Variants in WSCD1 observed in about 807,000 individuals in gnomAD.
WSCD1 encodes the protein WSC domain sialate O sulfotransferase 1.
A neutral mutation model predicts 60.4 loss-of-function variants in WSCD1; 41 were observed. The ratio of observed to expected loss-of-function variants is 0.68; its 90% CI spans 0.53 to 0.88. WSCD1 has a LOEUF of 0.88. WSCD1 is among the 40% of genes least tolerant of loss of function. WSCD1 has a pLI of 0.00. For synonymous variants in WSCD1, 361 were observed against 332.5 expected (o/e 1.09, Z -0.93); for missense variants, 784 against 796.2 (o/e 0.98, Z 0.18).
intron 7 of WSCD1, among the ~76,000 whole-genome samples, chr17:6,111,700 CAAAAAAAAAAAAAAA>C (rs111930086): frequency 0.071 from 2,912 of 41,276 alleles, 69 homozygotes; most frequent in Non-Finnish European, 0.081. Context: ...CACTCCGTCT[CAAAAAAAAAAAAAAA>C]AAAAAAAAAG....
At chr17:6,113,799 C>T (rs568122007) in intron 7 of WSCD1, among the ~76,000 whole-genome samples, 1 of 152,244 alleles carries the variant, frequency 6.6e-6, no homozygotes, top group African/African-American at 2.4e-5. Flanking sequence ...GATATCATCT[C>T]GCCCCAGTTA....
At chr17:6,103,662 C>T (rs940168646) in intron 5 of WSCD1, among the ~76,000 whole-genome samples, 7 of 152,184 alleles carry the variant, frequency 4.6e-5, no homozygotes, top group Non-Finnish European at 8.8e-5. Context: ...GTGGATATTG[C>T]AGCCTCTGTT....
chr17:6,095,952 G>A (rs950927916), intron 5 of WSCD1, among the ~76,000 whole-genome samples: 7 of 152,152 alleles, frequency 4.6e-5, no homozygotes, highest in African/African-American at 1.4e-4. Context: ...TTTCACATGC[G>A]CTGGGATTGC....
At position 6,109,704 on chromosome 17, in the gene WSCD1, G is replaced by A; in HGVS notation, c.947G>A (p.Gly316Asp). ...LRDAMDSSVC[G>D]QDPEAQRLAE... ...GATGCCATGGACAGCTCAGTATGTG[G>A]CCAGGACCCTGAGGCACAGAGGCTG... The change falls in exon 6 of 9, where the codon GGC (glycine) becomes GAC (aspartate). Residue 316 changes from glycine to aspartate, a missense_variant. Gly to Asp is a moderately conservative substitution (Grantham distance 94). Coordinates refer to ENST00000317744, the MANE Select transcript of WSCD1 (RefSeq NM_015253.2). 6.2e-7 allele frequency: 1 copy of A among 1,614,134 alleles called. No homozygotes were observed. Among genetic ancestry groups the A allele is most frequent in the Non-Finnish European group, 8.5e-7 (1 of 1,180,006 alleles).
rs758576288 is a variant in WSCD1 at position 6,118,146 on chromosome 17, G to A, written c.1333G>A (p.Gly445Arg). The part of the protein sequence containing the change: ...LVAEFNRKCA[G>R]HLGYAADRNW... ...GGCAGAATTCAACAGAAAATGTGCC[G>A]GGCACCTGGGATATGCAGCTGACCG... Residue 445 changes from glycine (G) to arginine (R), a missense_variant, in exon 8 of 9, where the codon GGG (glycine) becomes AGG (arginine). Gly to Arg is a moderately radical substitution (Grantham distance 125, BLOSUM62 -2). Coordinates refer to ENST00000317744, the MANE Select transcript of WSCD1 (RefSeq NM_015253.2). This position sits in a 1 kb window ranked among gnomAD's most constrained non-coding sequence, Gnocchi z 5.8. The A allele has an allele frequency of 3.4e-5, 55 of 1,614,144 alleles. No individual in the cohort carries two copies. The highest frequency in any genetic ancestry group is 4.4e-5 in the Non-Finnish European group (52 of 1,180,024).
In WSCD1 at chr17:6,118,072, T is replaced by A. The variant is rs777792480; in HGVS notation, c.1259T>A (p.Met420Lys). 2 of 1,614,198 alleles carry A rather than the reference T, an allele frequency of 1.2e-6. No homozygotes were observed. Among genetic ancestry groups the A allele is most frequent in the East Asian group, 2.2e-5 (1 of 44,880 alleles). ...GAGAGTGGCAGGAGGGAGATTGAGA[T>A]GTTTGATTCAGCCATCCTGCTAATC... The part of the protein sequence containing the change: ...THESGRREIE[M>K]FDSAILLIRN... Residue 420 changes from methionine to lysine, a missense_variant, in exon 8 of 9, where the codon ATG (methionine) becomes AAG (lysine). Met to Lys is a moderately conservative substitution (Grantham distance 95). Transcript: ENST00000317744. The surrounding 1 kb of genome is among the most constrained non-coding windows in gnomAD (Gnocchi z 5.8).
upstream of WSCD1, among the ~76,000 whole-genome samples, chr17:6,069,528 G>A (rs145400834): frequency 7.1e-3 from 1,077 of 151,872 alleles, 5 homozygotes; most frequent in Middle Eastern, 0.014. Flanking sequence ...TTGCTTCTGT[G>A]GGCAACTATG....
chr17:6,099,828 C>G (rs1360377451), intron 5 of WSCD1, among the ~76,000 whole-genome samples: 1 of 152,112 alleles, frequency 6.6e-6, no homozygotes, highest in Non-Finnish European at 1.5e-5. Context: ...TTGTTCAAAT[C>G]CCCCCTCCCT....
In WSCD1 at chr17:6,081,095, C is replaced by T; in HGVS notation, c.427+10C>T. Reference sequence around the variant, plus strand: ...GCCATCCACAGCCGAGGTAGGCGCTCAGCTGCATTTGGGGGAGCTGTTCCC... The same window carrying T: ...GCCATCCACAGCCGAGGTAGGCGCTTAGCTGCATTTGGGGGAGCTGTTCCC... On this transcript the variant is annotated intron_variant, in intron 2 of 8. Transcript: ENST00000317744. The T allele has an allele frequency of 1.3e-6, 2 of 1,530,754 alleles. No individual in the cohort carries two copies. Among genetic ancestry groups the T allele is most frequent in the South Asian group, 1.2e-5 (1 of 83,576 alleles). 94.8% of individuals were successfully genotyped at this position (1,530,754 alleles called of 1,614,324 possible).
rs902037022 is a variant in WSCD1, at chr17:6,089,399, G to A, written c.543-922G>A. Reference sequence around the variant, plus strand: ...CACATCTAAATCCACTGATTTGAAAGTGTTGACTGCTTTCTGTAGCTGAAG... The same window carrying A: ...CACATCTAAATCCACTGATTTGAAAATGTTGACTGCTTTCTGTAGCTGAAG... On this transcript the variant is annotated intron_variant, in intron 3 of 8. Coordinates refer to ENST00000317744, the MANE Select transcript of WSCD1 (RefSeq NM_015253.2). 6.6e-5 allele frequency among the ~76,000 whole-genome samples: 10 copies of A among 152,204 alleles called. 1 individual carries two copies. The highest frequency in any genetic ancestry group is 1.3e-4 in the Admixed American group (2 of 15,282).
chr17:6,071,196 C>G (rs1227528201), intron 1 of WSCD1: 1 of 152,204 alleles, frequency 6.6e-6, no homozygotes, highest in Non-Finnish European at 1.5e-5. Context: ...CAGAAAATTA[C>G]CTAGTGTAGA....
rs942442999 is a variant in WSCD1 at position 6,075,086 on chromosome 17, G to A, written c.-289+4434G>A. Among the ~76,000 whole-genome samples, 3 of 152,112 alleles carry A rather than the reference G, an allele frequency of 2.0e-5. No individual in the cohort carries two copies. Among genetic ancestry groups the A allele is most frequent in the African/African-American group, 7.2e-5 (3 of 41,412 alleles). On this transcript the variant is annotated intron_variant, in intron 1 of 8. Transcript: ENST00000317744. The surrounding 1 kb of genome is among the most constrained non-coding windows in gnomAD (Gnocchi z 4.1). ...TGAGGCTGAGGCTTCGAGCTTCTAG[G>A]ACCCAGATGCCCATCACCTTGTCTA...
intron 2 of WSCD1, among the ~76,000 whole-genome samples, chr17:6,084,369 C>T (rs1389088817): frequency 6.6e-6 from 1 of 152,252 alleles, no homozygotes; most frequent in East Asian, 1.9e-4. Context: ...TGTCGTGGGG[C>T]TCCATGGGCC....
intron 7 of WSCD1, among the ~76,000 whole-genome samples, chr17:6,116,418 A>ACACG (rs1555529232): frequency 6.6e-6 from 1 of 152,140 alleles, no homozygotes; most frequent in African/African-American, 2.4e-5. Context: ...ACACACACAC[A>ACACG]CACGCACAAT....
At chr17:6,069,978 T>TA (rs1346633985), upstream of WSCD1, among the ~76,000 whole-genome samples, 46 of 151,416 alleles carry the variant, frequency 3.0e-4, no homozygotes, top group Non-Finnish European at 1.0e-4. Flanking sequence ...ATTCGGGATG[T>TA]GTGTGTCAGG....
chr17:6,114,047 T>A (rs1350757361), intron 7 of WSCD1, among the ~76,000 whole-genome samples: 2 of 151,792 alleles, frequency 1.3e-5, no homozygotes, highest in South Asian at 4.2e-4. Context: ...ACTCTCATGC[T>A]TATTACAGCA....
rs1597364624 is a variant in WSCD1, at chr17:6,101,424, G to A, written c.849+6201G>A. On this transcript the variant is annotated intron_variant, in intron 5 of 8. Transcript: ENST00000317744. The surrounding 1 kb of genome is among the most constrained non-coding windows in gnomAD (Gnocchi z 4.1). ...GGGCTGGGAGCAGCAGATGTGAGAG[G>A]TGGGGCTTGGAAACAGGAAAAGAGG... 6.6e-6 allele frequency among the ~76,000 whole-genome samples: 1 copy of A among 152,204 alleles called. No homozygotes were observed. Among genetic ancestry groups the A allele is most frequent in the East Asian group, 1.9e-4 (1 of 5,186 alleles).
At chr17:6,103,280 T>C (rs1910905346) in intron 5 of WSCD1, among the ~76,000 whole-genome samples, 1 of 152,210 alleles carries the variant, frequency 6.6e-6, no homozygotes, top group South Asian at 2.1e-4. Context: ...AGACAATGCT[T>C]ATGATCATTG....
chr17:6,082,218 G>A (rs1909326123), intron 2 of WSCD1, among the ~76,000 whole-genome samples: 1 of 152,154 alleles, frequency 6.6e-6, no homozygotes, highest in South Asian at 2.1e-4. Flanking sequence ...TTCCCTAGAA[G>A]CAAACTCTGA....
Sources: gnomAD v4.1 joint callset for allele counts (sites outside exome capture counted in the v4.1 genomes callset) on GRCh38, gnomAD v4.1.1 for gene constraint, Gnocchi (gnomAD v3.1) non-coding constraint, MANE v1.5 for transcripts, NCBI Gene and HGNC (gene_info 2026-07-23, HGNC 2026-07-21) for gene names.